Variants in ZNF385D observed in about 807,000 individuals in gnomAD.
ZNF385D encodes zinc finger protein 659.
In ZNF385D, 15 loss-of-function variants were observed where a neutral mutation model predicts 35.8. The ratio of observed to expected loss-of-function variants is 0.42; its 90% CI spans 0.28 to 0.64. The LOEUF is 0.64. Among genes scored for constraint, ZNF385D ranks in the 30% least tolerant of loss-of-function variants. The pLI, the probability that ZNF385D is intolerant of heterozygous loss-of-function variation, is 0.23. For synonymous variants in ZNF385D, 212 were observed against 186.8 expected (o/e 1.13, Z -1.10); for missense variants, 474 against 494.6 (o/e 0.96, Z 0.39).
intron 3 of ZNF385D, chr3:21,563,243 C>T (rs2063019359): frequency 6.6e-6 from 1 of 152,250 alleles, no homozygotes; most frequent in Non-Finnish European, 1.5e-5. Context: ...CATGTGGGAA[C>T]CAGAAAGCAG....
intron 3 of ZNF385D, among the ~76,000 whole-genome samples, chr3:21,552,061 T>TA (rs1292473318): frequency 1.3e-5 from 2 of 152,178 alleles, no homozygotes; most frequent in Admixed American, 1.3e-4. Flanking sequence ...TCCTATGTGA[T>TA]AGAGGATTCA....
At chr3:21,877,084 G>A (rs900886927) in intron 3 of ZNF385D, among the ~76,000 whole-genome samples, 2 of 151,968 alleles carry the variant, frequency 1.3e-5, no homozygotes, top group African/African-American at 2.4e-5. Context: ...ACTACCATGG[G>A]ATCAGGTTTA....
intron 1 of ZNF385D, among the ~76,000 whole-genome samples, chr3:21,698,128 T>C (rs1216006363): frequency 2.0e-5 from 3 of 152,100 alleles, no homozygotes; most frequent in Admixed American, 6.6e-5. Flanking sequence ...AATCATTATG[T>C]AAAAAAGACA....
chr3:21,972,803 T>C lies in ZNF385D; in HGVS notation c.325+196014A>G, dbSNP rs115137992. The stretch of plus-strand genomic sequence containing the variant: ...CTAGAGGCTACTCTGAGCAACTATA[T>C]GCCAATAAATTGGAAAACGTAAAAG... On this transcript the variant is annotated intron_variant, in intron 3 of 5. Transcript: ENST00000494108. Among the ~76,000 whole-genome samples, 957 of 151,960 alleles carry C rather than the reference T, an allele frequency of 6.3e-3. 14 individuals are homozygous for C. The highest frequency in any genetic ancestry group is 0.021 in the African/African-American group (867 of 41,534).
At chr3:21,998,479 G>A (rs1695625631) in intron 3 of ZNF385D, among the ~76,000 whole-genome samples, 1 of 152,182 alleles carries the variant, frequency 6.6e-6, no homozygotes, top group African/African-American at 2.4e-5. Flanking sequence ...AATTATAAAT[G>A]TAGACATCAG....
intron 3 of ZNF385D, among the ~76,000 whole-genome samples, chr3:22,035,710 T>C (rs572918215): frequency 1.3e-5 from 2 of 152,144 alleles, no homozygotes; most frequent in Non-Finnish European, 2.9e-5. Context: ...CAATGGGCCA[T>C]GAGTGTTTCT....
chr3:21,705,918 G>C (rs544499241), intron 1 of ZNF385D, among the ~76,000 whole-genome samples: 1 of 152,278 alleles, frequency 6.6e-6, no homozygotes, highest in Non-Finnish European at 1.5e-5. Flanking sequence ...GGTTGCCAAA[G>C]CCTCAGCCTG....
intron 2 of ZNF385D, among the ~76,000 whole-genome samples, chr3:22,223,329 A>C (rs972545872): frequency 1.3e-5 from 2 of 152,166 alleles, no homozygotes; most frequent in Admixed American, 1.3e-4. Context: ...GGCAATTTTC[A>C]TAAGTATAGT....
At chr3:22,201,989 G>A (rs1299103921) in intron 2 of ZNF385D, among the ~76,000 whole-genome samples, 1 of 151,958 alleles carries the variant, frequency 6.6e-6, no homozygotes, top group East Asian at 1.9e-4. Context: ...TATTAAAAGA[G>A]TCCAGAAACA....
chr3:21,915,965 T>G (rs1243012191), intron 3 of ZNF385D, among the ~76,000 whole-genome samples: 2 of 152,122 alleles, frequency 1.3e-5, no homozygotes, highest in Admixed American at 1.3e-4. Flanking sequence ...CTAAAATGGT[T>G]TCATCAAATT....
At chr3:21,938,408 G>A (rs1701363271) in intron 3 of ZNF385D, among the ~76,000 whole-genome samples, 1 of 152,128 alleles carries the variant, frequency 6.6e-6, no homozygotes, top group South Asian at 2.1e-4. Flanking sequence ...GAGGCGGGCA[G>A]AGATTGGAGA....
chr3:21,535,365 A>G (rs769042259), intron 3 of ZNF385D, among the ~76,000 whole-genome samples: 3 of 152,110 alleles, frequency 2.0e-5, no homozygotes, highest in Non-Finnish European at 4.4e-5. Context: ...CTTTAGCTGA[A>G]TGAAGTCTTA....
At chr3:22,168,236 C>A (rs923163850) in intron 3 of ZNF385D, among the ~76,000 whole-genome samples, 1 of 152,134 alleles carries the variant, frequency 6.6e-6, no homozygotes, top group African/African-American at 2.4e-5. Flanking sequence ...CTTTCCATTT[C>A]TTCCCAAAGA....
At chr3:21,890,711 G>C (rs1362107947) in intron 3 of ZNF385D, among the ~76,000 whole-genome samples, 15 of 152,174 alleles carry the variant, frequency 9.9e-5, no homozygotes, top group Non-Finnish European at 8.8e-5. Context: ...TTTTCTTAAG[G>C]AAGTAGAGAA....
chr3:21,469,150 G>C (rs958364860), intron 4 of ZNF385D, among the ~76,000 whole-genome samples: 3 of 152,122 alleles, frequency 2.0e-5, no homozygotes, highest in Non-Finnish European at 2.9e-5. Flanking sequence ...CTATTCATTT[G>C]AAATCTGCAT....
At chr3:21,872,208 T>G (rs1445337865) in intron 3 of ZNF385D, among the ~76,000 whole-genome samples, 1 of 152,150 alleles carries the variant, frequency 6.6e-6, no homozygotes, top group Non-Finnish European at 1.5e-5. Flanking sequence ...CAGAAATTTA[T>G]TGATGCTCGA....
At chr3:22,092,878 T>C (rs993989909) in intron 3 of ZNF385D, among the ~76,000 whole-genome samples, 4 of 152,214 alleles carry the variant, frequency 2.6e-5, no homozygotes, top group South Asian at 2.1e-4. Flanking sequence ...CAGGAATTAT[T>C]AATTTTTTAG....
chr3:21,621,099 A>G (rs1016401333), intron 2 of ZNF385D, among the ~76,000 whole-genome samples: 3 of 152,100 alleles, frequency 2.0e-5, no homozygotes, highest in African/African-American at 7.2e-5. Flanking sequence ...GCTACTTACA[A>G]TGATGTTAAT....
Position 22,101,993 on chromosome 3 carries a change from T to C in ZNF385D, c.325+66824A>G, listed in dbSNP as rs114401277. ...GATCTAGTATCCTACTCCCTTTCCA[T>C]TGCGCCACATCAGGTTTTTTTCATG... On this transcript the variant is annotated intron_variant, in intron 3 of 5. Transcript: ENST00000494108. Among the ~76,000 whole-genome samples the C allele has an allele frequency of 6.5e-3, 986 of 151,350 alleles. 15 individuals are homozygous for C. The highest frequency in any genetic ancestry group is 0.022 in the African/African-American group (928 of 41,248).
Sources: allele counts gnomAD v4.1 joint callset (sites outside exome capture counted in the v4.1 genomes callset), GRCh38; gene constraint gnomAD v4.1.1; transcripts MANE v1.5; gene names NCBI Gene and HGNC (gene_info 2026-07-23, HGNC 2026-07-21).